Variants in ABCC3 observed in about 807,000 individuals in gnomAD.
The protein encoded by ABCC3 is ATP-binding cassette sub-family C member 3.
In ABCC3, 121 loss-of-function variants were observed where a neutral mutation model predicts 165.3. The ratio of observed to expected loss-of-function variants is 0.73; its 90% CI spans 0.63 to 0.85. The LOEUF (loss-of-function observed/expected upper bound fraction) is 0.85, where lower values mean the gene tolerates loss of function less well. Among genes scored for constraint, ABCC3 ranks in the 40% least tolerant of loss-of-function variants. The probability of loss-of-function intolerance (pLI) is 0.00; values close to 1 mark genes in which losing one functional copy is unlikely to be tolerated. For missense variants in ABCC3, 1,869 were observed against 1,964.1 expected (o/e 0.95, Z 0.92); for synonymous variants, 733 against 810.1 (o/e 0.90, Z 1.62).
chr17:50,663,686 T>C lies in ABCC3; in HGVS notation c.1004T>C (p.Leu335Pro). Residue 335 changes from leucine (L) to proline (P), a missense_variant, in exon 9 of 31, where the codon CTG becomes CCG. Coordinates refer to ENST00000285238, the MANE Select transcript of ABCC3 (RefSeq NM_003786.4). ...SFINPQLLSILIRFISNPMAP... is the reference protein window; with the variant it reads ...SFINPQLLSIPIRFISNPMAP... Reference sequence around the variant, plus strand: ...CTCCTCTCTCCTCCCCACAGCATCCTGATCAGGTTTATCTCCAACCCCATG... The same window carrying C: ...CTCCTCTCTCCTCCCCACAGCATCCCGATCAGGTTTATCTCCAACCCCATG... The C allele has an allele frequency of 1.2e-6, 2 of 1,614,170 alleles. No homozygotes were observed.
intron 4 of ABCC3, among the ~76,000 whole-genome samples, 185 bp from the exon 5 acceptor site, chr17:50,657,897 C>T (rs923765506): frequency 2.6e-5 from 4 of 152,222 alleles, no homozygotes; most frequent in Admixed American, 6.5e-5. Context: ...ACCTGGTCCT[C>T]GCTGAACCAG....
chr17:50,685,832 C>T lies in ABCC3; in HGVS notation c.4280+957C>T, dbSNP rs146645933. 4.5e-4 allele frequency among the ~76,000 whole-genome samples: 68 copies of T among 152,302 alleles called. No individual in the cohort carries two copies. The East Asian group carries it at 0.012, about 26-fold the overall frequency. On this transcript the variant is annotated intron_variant, in intron 29 of 30. Coordinates refer to ENST00000285238, the MANE Select transcript of ABCC3 (RefSeq NM_003786.4). ...TCCTCCCTTCCCTCCATCTTCTCCT[C>T]CTCCTCCTCCTCTTCCCTATTTTCA...
intron 1 of ABCC3, among the ~76,000 whole-genome samples, chr17:50,650,726 T>C (rs1431536942): frequency 3.9e-5 from 6 of 152,166 alleles, no homozygotes; most frequent in Non-Finnish European, 2.9e-5. Context: ...ATATAGATTT[T>C]CCCCCTTATT....
chr17:50,689,574 G>A (rs928668727), intron 30 of ABCC3, among the ~76,000 whole-genome samples: 10 of 152,238 alleles, frequency 6.6e-5, no homozygotes, highest in Admixed American at 1.3e-4. Flanking sequence ...CTTGCAGGAC[G>A]ATGGAGTGGG....
chr17:50,667,430 A>G, intron 11 of ABCC3, 124 bp from the exon 12 acceptor site: 1 of 870,832 alleles, frequency 1.1e-6, no homozygotes, highest in East Asian at 2.6e-5. Context: ...AGGAGTTGTG[A>G]GAAGGAATGG....
At chr17:50,681,032 C>T (rs1468504589) in intron 26 of ABCC3, among the ~76,000 whole-genome samples, 3 of 151,674 alleles carry the variant, frequency 2.0e-5, no homozygotes, top group Admixed American at 6.6e-5. Context: ...GCCGAGATTG[C>T]GCCACTGCAC....
At position 50,672,991 on chromosome 17, in the gene ABCC3, C is replaced by A. The variant is rs1338364906; in HGVS notation, c.2262C>A (p.Gly754=). ...IGEKGINLSG[G]QRQRVSLARA... is the part of the protein sequence containing the mutation. ...TCCAGGGCATTAACCTGTCTGGGGG[C>A]CAGCGGCAGCGGGTCAGTCTGGCTC... Residue 754 remains glycine, a synonymous_variant, in exon 18 of 31, where the codon GGC becomes GGA. Coordinates refer to ENST00000285238, the MANE Select transcript of ABCC3 (RefSeq NM_003786.4). The A allele has an allele frequency of 3.1e-6, 5 of 1,613,872 alleles. No individual in the cohort carries two copies. Among genetic ancestry groups the A allele is most frequent in the Non-Finnish European group, 3.4e-6 (4 of 1,180,022 alleles).
chr17:50,668,005 C>T lies in ABCC3; in HGVS notation c.1778C>T (p.Thr593Ile), dbSNP rs892741146. The T allele has an allele frequency of 1.5e-5, 25 of 1,613,840 alleles. No individual in the cohort carries two copies. The highest frequency in any genetic ancestry group is 1.6e-4 in the Middle Eastern group (1 of 6,062). ...CTGCCCCAGTTAATCAGCAACCTGA[C>T]TCAGGTAACCCTGGGTAGGGCTGGG... is the stretch of plus-strand genomic sequence containing the variant. ...NMLPQLISNL[T>I]QASVSLKRIQ... The change falls in exon 13 of 31, where the codon ACT becomes ATT. Residue 593 changes from threonine to isoleucine, a missense_variant. By Grantham distance (89) the Thr-to-Ile change is moderately conservative (BLOSUM62 -1). Coordinates refer to ENST00000285238, the MANE Select transcript of ABCC3 (RefSeq NM_003786.4).
At chr17:50,639,105 G>C (rs2054204201) in intron 1 of ABCC3, among the ~76,000 whole-genome samples, 1 of 152,192 alleles carries the variant, frequency 6.6e-6, no homozygotes, top group African/African-American at 2.4e-5. Flanking sequence ...CACATCCATG[G>C]GGAAGCTGAG....
At chr17:50,668,329 C>T (rs1397028650) in intron 13 of ABCC3, 101 bp from the exon 14 acceptor site, 2 of 1,008,630 alleles carry the variant, frequency 2.0e-6, no homozygotes, top group African/African-American at 3.2e-5. Context: ...TCTGGGCCCT[C>T]AGGGGGTCCT....
At chr17:50,635,226 C>T (rs1598900636) in intron 1 of ABCC3, 3 of 628,262 alleles carry the variant, frequency 4.8e-6, no homozygotes, top group East Asian at 5.5e-5. Flanking sequence ...ACTGGGGAGC[C>T]CGGGAAAGTG....
intron 19 of ABCC3, 110 bp from the exon 20 acceptor site, chr17:50,675,252 T>C (rs1217198200): frequency 1.5e-6 from 1 of 670,314 alleles, no homozygotes; most frequent in Non-Finnish European, 2.4e-6. Flanking sequence ...CTCATTTTAT[T>C]TTCATGCTTG....
At chr17:50,674,857 C>T (rs375418162) in intron 19 of ABCC3, among the ~76,000 whole-genome samples, 212 of 148,084 alleles carry the variant, frequency 1.4e-3, no homozygotes, top group African/African-American at 5.0e-3. Flanking sequence ...TGGAGTGCAA[C>T]GGTGCGATCT....
At chr17:50,673,415 G>T (rs759981126) in intron 18 of ABCC3, 54 bp from the exon 19 acceptor site, 85 of 1,588,236 alleles carry the variant, frequency 5.4e-5, no homozygotes, top group Middle Eastern at 1.7e-4. Flanking sequence ...CCGTGCCTGT[G>T]CCAGGGGTGT....
At position 50,657,174 on chromosome 17, in the gene ABCC3, C is replaced by G. The variant is rs774726097; in HGVS notation, c.477C>G (p.Ala159=). Residue 159 remains alanine (A), a synonymous_variant, in exon 4 of 31, where the codon GCC becomes GCG. Transcript: ENST00000285238. ...CATTCCGCTCCAAGATCCTTTTAGC[C>G]AAGGCAGAGGTAAGGTTGGGGGAGA... The part of the protein sequence containing the change: ...IVPFRSKILL[A]KAEGEISDPF... 1 of 1,613,978 alleles carries G rather than the reference C, an allele frequency of 6.2e-7. No homozygotes were observed. The highest frequency in any genetic ancestry group is 1.1e-5 in the South Asian group (1 of 91,070).
Position 50,681,986 on chromosome 17 carries a change from C to T in ABCC3, c.3808-1624C>T, listed in dbSNP as rs186168883. On this transcript the variant is annotated intron_variant, in intron 26 of 30. Coordinates refer to ENST00000285238, the MANE Select transcript of ABCC3 (RefSeq NM_003786.4). ...CAGTTCCTGCATGGATACCCATGCT[C>T]CTGTCTCTGTATCCTATAAATGTCT... Among the ~76,000 whole-genome samples the T allele has an allele frequency of 1.1e-3, 168 of 152,248 alleles. 1 individual carries two copies. The highest frequency in any genetic ancestry group is 3.8e-3 in the African/African-American group (159 of 41,552).
intron 8 of ABCC3, among the ~76,000 whole-genome samples, chr17:50,662,637 CAAAAAAAAAAA>C (rs60389534): frequency 1.3e-5 from 1 of 74,930 alleles, no homozygotes; most frequent in African/African-American, 5.0e-5. Context: ...GACCCTGTCT[CAAAAAAAAAAA>C]AAAAAAAAAA....
chr17:50,634,904 C>T lies in ABCC3; in HGVS notation c.-33C>T. On this transcript the variant is annotated 5_prime_UTR_variant, in exon 1 of 31. Coordinates refer to ENST00000285238, the MANE Select transcript of ABCC3 (RefSeq NM_003786.4). ...CTCTGCCCGCCGCTGGGTCCGACCG[C>T]GCTCGCCTTCCTTGCAGCCGCGCCT... The T allele has an allele frequency of 1.6e-6, 2 of 1,251,210 alleles. No homozygotes were observed. The highest frequency in any genetic ancestry group is 2.0e-6 in the Non-Finnish European group (2 of 997,214). The allele number at this position is 1,251,210 out of a possible 1,614,324, so 77.5% of individuals were successfully genotyped here.
intron 1 of ABCC3, 134 bp from the exon 2 acceptor site, chr17:50,655,698 C>T (rs1001313749): frequency 2.0e-4 from 149 of 744,852 alleles, no homozygotes; most frequent in Non-Finnish European, 4.3e-5. Context: ...CATTTGTGTA[C>T]TCTCTCCTCC....
Sources: allele counts gnomAD v4.1 joint callset (sites outside exome capture counted in the v4.1 genomes callset), GRCh38; gene constraint gnomAD v4.1.1; transcripts MANE v1.5; gene names NCBI Gene and HGNC (gene_info 2026-07-23, HGNC 2026-07-21).